BRDT: variants seen among roughly 807,000 people sequenced by gnomAD.
The protein encoded by BRDT is bromodomain testis-specific protein.
A neutral mutation model predicts 113.9 loss-of-function variants in BRDT; 77 were observed. The ratio of observed to expected loss-of-function variants is 0.68; its 90% CI spans 0.56 to 0.82. BRDT has a LOEUF of 0.82. Ranked by LOEUF, BRDT falls within the 40% of genes least tolerant of loss-of-function variation. BRDT has a pLI of 0.00. For missense variants in BRDT, 1,027 were observed against 1,105.4 expected (o/e 0.93, Z 1.01); for synonymous variants, 358 against 366.5 (o/e 0.98, Z 0.26).
chr1:91,981,685 C>G lies in BRDT; in HGVS notation c.1932C>G (p.Ser644Arg). The change falls in exon 12 of 19, where the codon AGC becomes AGG. Residue 644 changes from serine (S) to arginine (R), a missense_variant. Physicochemically the swap from Ser to Arg is moderately radical, Grantham distance 110. Transcript: ENST00000399546. ...GACTGAGTGAGAGCAGCAGCAGCAG[C>G]AGCAGCTCATCAGAGTCTGAAAGTA... ...VSRLSESSSS[S>R]SSSSESESSS... 1 of 1,614,200 alleles carries G rather than the reference C, an allele frequency of 6.2e-7. No individual in the cohort carries two copies. The highest frequency in any genetic ancestry group is 8.5e-7 in the Non-Finnish European group (1 of 1,180,026).
chr1:91,977,157 A>T lies in BRDT; in HGVS notation c.733A>T (p.Ile245Leu). The change falls in exon 6 of 19, where the codon ATA (isoleucine) becomes TTA (leucine). Residue 245 changes from isoleucine (I) to leucine (L), a missense_variant. By Grantham distance (5) the Ile-to-Leu change is conservative (BLOSUM62 2). Coordinates refer to ENST00000399546, the MANE Select transcript of BRDT (RefSeq NM_207189.4). ...FTEKSVALPPIKENMPKNVLP... is the reference protein window; with the variant it reads ...FTEKSVALPPLKENMPKNVLP... ...AGAAAAATCAGTGGCACTGCCACCT[A>T]TAAAAGAAAATATGCCAAAGAATGT... 1 of 1,614,108 alleles carries T rather than the reference A, an allele frequency of 6.2e-7. No homozygotes were observed. Among genetic ancestry groups the T allele is most frequent in the Non-Finnish European group, 8.5e-7 (1 of 1,180,004 alleles).
At chr1:91,961,259 G>A (rs1682413060) in intron 1 of BRDT, among the ~76,000 whole-genome samples, 2 of 152,104 alleles carry the variant, frequency 1.3e-5, no homozygotes, top group African/African-American at 4.8e-5. Context: ...TGCAGTGAGT[G>A]GAAATTGTGC....
chr1:91,978,367 T>G (rs1484073017), intron 7 of BRDT, 71 bp downstream of exon 7: 9 of 1,550,652 alleles, frequency 5.8e-6, no homozygotes, highest in Non-Finnish European at 7.9e-6. Context: ...AGAACCATAA[T>G]GTAAGAGATA....
chr1:91,952,608 G>A (rs147982264), intron 1 of BRDT, among the ~76,000 whole-genome samples: 114 of 152,104 alleles, frequency 7.5e-4, no homozygotes, highest in African/African-American at 2.6e-3. Context: ...GATAAATGTC[G>A]AAGATACAGA....
At chr1:91,959,187 CAA>C (rs1682136659) in intron 1 of BRDT, among the ~76,000 whole-genome samples, 1 of 152,034 alleles carries the variant, frequency 6.6e-6, no homozygotes, top group South Asian at 2.1e-4. Flanking sequence ...AAAAAACAAA[CAA>C]AAACGTAATA....
chr1:91,980,965 G>C lies in BRDT; in HGVS notation c.1537G>C (p.Asp513His). 6.2e-7 allele frequency: 1 copy of C among 1,614,034 alleles called. No individual in the cohort carries two copies. Among genetic ancestry groups the C allele is most frequent in the Non-Finnish European group, 8.5e-7 (1 of 1,179,990 alleles). ...DEDNAKPMNY[D>H]EKRQLSLNIN... ...AGATAATGCTAAACCTATGAACTAT[G>C]ATGAGAAAAGGCAGTTAAGTCTGAA... Residue 513 changes from aspartate to histidine, a missense_variant, in exon 10 of 19, where the codon GAT (aspartate) becomes CAT (histidine). Coordinates refer to ENST00000399546, the MANE Select transcript of BRDT (RefSeq NM_207189.4).
In BRDT at chr1:91,994,277, A is replaced by G. The variant is rs1686071225; in HGVS notation, c.2287+23A>G. 1.9e-6 allele frequency: 3 copies of G among 1,554,834 alleles called. No individual in the cohort carries two copies. In the East Asian group the frequency reaches 6.8e-5, roughly 35 times the overall value. On this transcript the variant is annotated intron_variant, in intron 15 of 18. Transcript: ENST00000399546. Reference sequence around the variant, plus strand: ...CAGGTAAGAAATTAACAAGTAAACAACTGTTATTGAGAAATTGACTTCTAA... The same window carrying G: ...CAGGTAAGAAATTAACAAGTAAACAGCTGTTATTGAGAAATTGACTTCTAA...
chr1:92,010,375 A>T (rs1687693723), intron 18 of BRDT, among the ~76,000 whole-genome samples: 2 of 147,282 alleles, frequency 1.4e-5, no homozygotes, highest in South Asian at 4.2e-4. Context: ...CCCAGGTTCA[A>T]GTGATTCTCA....
chr1:91,994,258 A>G lies in BRDT; in HGVS notation c.2287+4A>G. On this transcript the variant is annotated splice_donor_region_variant and intron_variant, in intron 15 of 18. Transcript: ENST00000399546. ...TTACAAATTCTGCCTCCCTCAGGTA[A>G]GAAATTAACAAGTAAACAACTGTTA... is the stretch of plus-strand genomic sequence containing the variant. 1.9e-6 allele frequency: 3 copies of G among 1,594,768 alleles called. No homozygotes were observed. The highest frequency in any genetic ancestry group is 2.6e-6 in the Non-Finnish European group (3 of 1,168,742).
At chr1:91,952,048 A>G (rs1174347426) in intron 1 of BRDT, 1 of 152,188 alleles carries the variant, frequency 6.6e-6, no homozygotes, top group African/African-American at 2.4e-5. Flanking sequence ...CTGCAAAGAG[A>G]CTGTATCCCC....
At chr1:91,979,815 A>C in intron 8 of BRDT, 58 bp downstream of exon 8, 2 of 1,494,922 alleles carry the variant, frequency 1.3e-6, no homozygotes, top group South Asian at 2.8e-5. Flanking sequence ...TCTATCAGGA[A>C]ATTTTTTCTG....
chr1:91,979,579 A>G lies in BRDT; in HGVS notation c.1109A>G (p.Glu370Gly). 1 of 1,606,980 alleles carries G rather than the reference A, an allele frequency of 6.2e-7. No homozygotes were observed. The highest frequency in any genetic ancestry group is 8.5e-7 in the Non-Finnish European group (1 of 1,178,586). ...AATTTTTCATTACAGGATGTTTTCG[A>G]AACGCATTTTTCAAAGATCCCGATT... ...TMARMLQDVFETHFSKIPIEP... is the reference protein window; with the variant it reads ...TMARMLQDVFGTHFSKIPIEP... Residue 370 changes from glutamate (E) to glycine (G), a missense_variant, in exon 8 of 19, where the codon GAA (glutamate) becomes GGA (glycine). Physicochemically the swap from Glu to Gly is moderately conservative, Grantham distance 98. Transcript: ENST00000399546.
chr1:91,978,382 A>T lies in BRDT; in HGVS notation c.1098+86A>T, dbSNP rs184441644. On this transcript the variant is annotated intron_variant, in intron 7 of 18. Transcript: ENST00000399546. ...AGAACCATAATGTAAGAGATAAAGA[A>T]TAATAACTCCTACACCTCTAAGTAT... 57 of 1,480,988 alleles carry T rather than the reference A, an allele frequency of 3.8e-5. No individual in the cohort carries two copies. In the African/African-American group the frequency reaches 7.5e-4, roughly 19 times the overall value. The allele number at this position is 1,480,988 out of a possible 1,614,324, so 91.7% of individuals were successfully genotyped here.
rs957621785 is a variant in BRDT at position 91,978,095 on chromosome 1, A to G, written c.970-73A>G. 6 of 1,348,710 alleles carry G rather than the reference A, an allele frequency of 4.4e-6. No individual in the cohort carries two copies. In the African/African-American group the frequency reaches 7.3e-5, roughly 16 times the overall value. The allele number at this position is 1,348,710 out of a possible 1,614,324, so 83.5% of individuals were successfully genotyped here. A position where few individuals can be genotyped will look rare whatever the true frequency, so the allele number is the denominator to read the frequency against. Reference sequence around the variant, plus strand: ...ATATTTGAATTATTTTGTAATATGAACATTTAATGTACGTGGTCAAATAAT... The same window carrying G: ...ATATTTGAATTATTTTGTAATATGAGCATTTAATGTACGTGGTCAAATAAT... On this transcript the variant is annotated intron_variant, in intron 6 of 18. Transcript: ENST00000399546.
rs1214217730 is a variant in BRDT, at chr1:91,973,976, A to ATACC, written c.446-2289_446-2286dup. Among the ~76,000 whole-genome samples, 9 of 152,220 alleles carry ATACC rather than the reference A, an allele frequency of 5.9e-5. No individual in the cohort carries two copies. In the South Asian group the frequency reaches 1.0e-3, roughly 18 times the overall value. On this transcript the variant is annotated intron_variant, in intron 4 of 18. Transcript: ENST00000399546. ...GAACAGAACAGAGCCCTCAGAAATA[A>ATACC]TACCACACATCTACAACTATCTGAT...
chr1:91,979,183 G>C (rs113186509), intron 7 of BRDT, among the ~76,000 whole-genome samples: 4 of 145,938 alleles, frequency 2.7e-5, no homozygotes, highest in Non-Finnish European at 6.0e-5. Context: ...GCGCAATCTT[G>C]GCTCACTGCA....
chr1:91,975,595 T>C (rs1684058543), intron 4 of BRDT, among the ~76,000 whole-genome samples: 1 of 152,178 alleles, frequency 6.6e-6, no homozygotes, highest in South Asian at 2.1e-4. Flanking sequence ...CTAACAGGGT[T>C]TGCTGGCGGG....
intron 4 of BRDT, among the ~76,000 whole-genome samples, chr1:91,970,749 A>G (rs1683544072): frequency 6.6e-6 from 1 of 152,002 alleles, no homozygotes; most frequent in Non-Finnish European, 1.5e-5. Context: ...CTTTATAGAA[A>G]AATTTGAAAC....
chr1:91,994,857 G>T (rs1473094054), intron 15 of BRDT, among the ~76,000 whole-genome samples: 2 of 82,228 alleles, frequency 2.4e-5, no homozygotes, highest in African/African-American at 4.8e-5. Context: ...GACAGAGCAA[G>T]ACTCCGTCTC....
Sources: allele counts gnomAD v4.1 joint callset (sites outside exome capture counted in the v4.1 genomes callset), GRCh38; gene constraint gnomAD v4.1.1; transcripts MANE v1.5; gene names NCBI Gene and HGNC (gene_info 2026-07-23, HGNC 2026-07-21).